The following NDST4 variants were observed in gnomAD, a reference collection of about 807,000 sequenced individuals.
NDST4 encodes the protein N-deacetylase and N-sulfotransferase 4.
NDST4 carries 63 observed loss-of-function variants against 100.8 expected under a neutral mutation model. The observed-to-expected ratio is 0.62, with a 90% CI of 0.51 to 0.77. The LOEUF (loss-of-function observed/expected upper bound fraction) is 0.77. NDST4 is among the 30% of genes least tolerant of loss of function. The pLI is 0.00. For synonymous variants in NDST4, 377 were observed against 361.8 expected (o/e 1.04, Z -0.48); for missense variants, 943 against 1,018.4 (o/e 0.93, Z 1.01).
Position 114,833,510 on chromosome 4 carries a change from T to C in NDST4, c.2396+96A>G, listed in dbSNP as rs1578332428. On this transcript the variant is annotated intron_variant, in intron 12 of 13. Coordinates refer to ENST00000264363, the MANE Select transcript of NDST4 (RefSeq NM_022569.3). ...TTGTAGGTAGCATAGGATGTATAAATTCTAGCTAGTATTAATGATGTTATA... is the reference window on the plus strand; with the variant it reads ...TTGTAGGTAGCATAGGATGTATAAACTCTAGCTAGTATTAATGATGTTATA... The C allele has an allele frequency of 9.5e-5, 71 of 749,834 alleles. No homozygotes were observed. In the East Asian group the frequency reaches 1.9e-3, roughly 20 times the overall value. The allele number at this position is 749,834 out of a possible 1,614,324, so 46.4% of individuals were successfully genotyped here. A position where few individuals can be genotyped will look rare whatever the true frequency, so the allele number is the denominator to read the frequency against.
chr4:114,884,580 C>A (rs928629026), intron 6 of NDST4, among the ~76,000 whole-genome samples: 1 of 152,060 alleles, frequency 6.6e-6, no homozygotes, highest in Non-Finnish European at 1.5e-5. Flanking sequence ...TGTCTAAACA[C>A]CTCAACAGAC....
chr4:115,059,982 A>T lies in NDST4; in HGVS notation c.978+16077T>A, dbSNP rs76250850. The stretch of plus-strand genomic sequence containing the variant: ...ACCTCTGCAACCCTGTTATTTTTAA[A>T]TGTTGGTTTTCTTCTGTTTTCTCAG... On this transcript the variant is annotated intron_variant, in intron 2 of 13. Coordinates refer to ENST00000264363, the MANE Select transcript of NDST4 (RefSeq NM_022569.3). Among the ~76,000 whole-genome samples, 1,105 of 152,024 alleles carry T rather than the reference A, an allele frequency of 7.3e-3. 9 individuals carry two copies. The highest frequency in any genetic ancestry group is 0.013 in the African/African-American group (539 of 41,456).
chr4:114,890,871 C>G (rs1438390625), intron 6 of NDST4, among the ~76,000 whole-genome samples: 1 of 152,050 alleles, frequency 6.6e-6, no homozygotes, highest in African/African-American at 2.4e-5. Context: ...CTAAAATTGG[C>G]TAAAATTCAC....
chr4:115,026,281 GA>G (rs1360307810), intron 2 of NDST4, among the ~76,000 whole-genome samples: 1 of 152,002 alleles, frequency 6.6e-6, no homozygotes, highest in South Asian at 2.1e-4. Context: ...TATTTCTGTA[GA>G]AAAAATGTCA....
At chr4:114,865,038 C>T (rs116709622) in intron 7 of NDST4, among the ~76,000 whole-genome samples, 82 of 151,904 alleles carry the variant, frequency 5.4e-4, no homozygotes, top group Admixed American at 1.4e-3. Flanking sequence ...GAGAAGGTGG[C>T]ATATTTACTT....
chr4:114,988,088 G>T (rs1726951293), intron 2 of NDST4, among the ~76,000 whole-genome samples: 2 of 151,930 alleles, frequency 1.3e-5, no homozygotes, highest in South Asian at 4.2e-4. Context: ...TTCAAATAAA[G>T]ATAAATTCCT....
chr4:114,978,750 C>T (rs770843797), intron 2 of NDST4, among the ~76,000 whole-genome samples: 5 of 151,568 alleles, frequency 3.3e-5, no homozygotes, highest in Non-Finnish European at 7.4e-5. Flanking sequence ...GTCTCCTTAT[C>T]TTGATTTTTA....
chr4:115,079,975 A>G (rs1390575769), intron 1 of NDST4, among the ~76,000 whole-genome samples: 1 of 152,204 alleles, frequency 6.6e-6, no homozygotes, highest in Non-Finnish European at 1.5e-5. Flanking sequence ...TAAATATTTT[A>G]ACACTTCAGA....
intron 6 of NDST4, among the ~76,000 whole-genome samples, chr4:114,887,926 C>G (rs918194641): frequency 2.0e-5 from 3 of 152,154 alleles, no homozygotes; most frequent in Middle Eastern, 6.8e-3. Flanking sequence ...TCCTAATAGG[C>G]CTTATAATTT....
chr4:114,833,596 A>G lies in NDST4; in HGVS notation c.2396+10T>C. ...AATGGAAATGAAATCAAGCATGACAATAGACTCACGTTAGTGCTTCAGAGT... is the reference window on the plus strand; with the variant it reads ...AATGGAAATGAAATCAAGCATGACAGTAGACTCACGTTAGTGCTTCAGAGT... On this transcript the variant is annotated intron_variant, in intron 12 of 13. Coordinates refer to ENST00000264363, the MANE Select transcript of NDST4 (RefSeq NM_022569.3). The G allele has an allele frequency of 6.5e-7, 1 of 1,542,696 alleles. No homozygotes were observed. The highest frequency in any genetic ancestry group is 9.0e-7 in the Non-Finnish European group (1 of 1,115,598).
intron 1 of NDST4, among the ~76,000 whole-genome samples, chr4:115,090,480 TTTA>T (rs1729493448): frequency 6.6e-6 from 1 of 151,980 alleles, no homozygotes; most frequent in Non-Finnish European, 1.5e-5. Flanking sequence ...AATGAAATAA[TTTA>T]TTCTCAATCC....
chr4:114,988,352 C>CTTTTTTTTTTTTTTTTT lies in NDST4; in HGVS notation c.979-11095_979-11079dup, dbSNP rs991019823. Among the ~76,000 whole-genome samples the CTTTTTTTTTTTTTTTTT allele has an allele frequency of 3.1e-5, 2 of 64,196 alleles. 1 individual carries two copies. The highest frequency in any genetic ancestry group is 5.7e-5 in the Non-Finnish European group (2 of 35,088). 42.1% of individuals were successfully genotyped at this position (64,196 alleles called of 152,430 possible). ...TTTGTAAGCACACAGATACACATAT[C>CTTTTTTTTTTTTTTTTT]TTTTTTTTTTTTTTTTTTTTTTTTT... On this transcript the variant is annotated intron_variant, in intron 2 of 13. Transcript: ENST00000264363.
At position 114,903,030 on chromosome 4, in the gene NDST4, G is replaced by A. The variant is rs547397251; in HGVS notation, c.1537-32080C>T. On this transcript the variant is annotated intron_variant, in intron 6 of 13. Coordinates refer to ENST00000264363, the MANE Select transcript of NDST4 (RefSeq NM_022569.3). The stretch of plus-strand genomic sequence containing the variant: ...CTGGTAGATTCCTTAGCATGTTACA[G>A]TTGTCTAAAACTATTGTTCTGAAAT... Among the ~76,000 whole-genome samples the A allele has an allele frequency of 2.0e-5, 3 of 152,156 alleles. No individual in the cohort carries two copies. The East Asian group carries it at 5.8e-4, about 29-fold the overall frequency.
intron 6 of NDST4, among the ~76,000 whole-genome samples, chr4:114,874,852 T>C (rs1724225483): frequency 6.6e-6 from 1 of 152,174 alleles, no homozygotes; most frequent in Non-Finnish European, 1.5e-5. Flanking sequence ...TTATCTTTTT[T>C]TATATATTTA....
At chr4:114,891,733 C>T (rs915172254) in intron 6 of NDST4, among the ~76,000 whole-genome samples, 2 of 152,054 alleles carry the variant, frequency 1.3e-5, no homozygotes, top group East Asian at 1.9e-4. Flanking sequence ...TGCCTTTCTC[C>T]GACAGAAATG....
chr4:115,054,635 T>C (rs147007972), intron 2 of NDST4, among the ~76,000 whole-genome samples: 85 of 152,312 alleles, frequency 5.6e-4, no homozygotes, highest in Middle Eastern at 3.4e-3. Context: ...ATGCTAATAT[T>C]TTCTTCTGAC....
At chr4:115,080,854 C>A (rs2126291399) in intron 1 of NDST4, among the ~76,000 whole-genome samples, 1 of 152,074 alleles carries the variant, frequency 6.6e-6, no homozygotes, top group East Asian at 1.9e-4. Flanking sequence ...CCACACAACT[C>A]CCCCAAATAA....
intron 4 of NDST4, among the ~76,000 whole-genome samples, chr4:114,967,051 TC>T (rs1726399020): frequency 6.6e-6 from 1 of 152,112 alleles, no homozygotes; most frequent in South Asian, 2.1e-4. Flanking sequence ...TGCTATCCTA[TC>T]CTATCTTGAT....
At chr4:114,915,667 C>T (rs1294010727) in intron 6 of NDST4, among the ~76,000 whole-genome samples, 1 of 152,090 alleles carries the variant, frequency 6.6e-6, no homozygotes, top group Non-Finnish European at 1.5e-5. Flanking sequence ...TTAAAATCCA[C>T]CTCATTGGTT....
Sources: allele counts gnomAD v4.1 joint callset (sites outside exome capture counted in the v4.1 genomes callset), GRCh38; gene constraint gnomAD v4.1.1; transcripts MANE v1.5; gene names NCBI Gene and HGNC (gene_info 2026-07-23, HGNC 2026-07-21).